The following PTPRD variants were observed in gnomAD, a reference collection of about 807,000 sequenced individuals.
The protein encoded by PTPRD is receptor-type tyrosine-protein phosphatase delta.
PTPRD carries 34 observed loss-of-function variants against 214.5 expected under a neutral mutation model. The observed-to-expected ratio is 0.16, with a 90% CI of 0.12 to 0.21. The LOEUF (loss-of-function observed/expected upper bound fraction) is 0.21. Among genes scored for constraint, PTPRD ranks in the 10% least tolerant of loss-of-function variants. The pLI, the probability that PTPRD is intolerant of heterozygous loss-of-function variation, is 1.00. For synonymous variants in PTPRD, 1,128 were observed against 845.7 expected (o/e 1.33, Z -5.79); for missense variants, 2,545 against 2,398.7 (o/e 1.06, Z -1.27).
At chr9:9,096,562 G>A (rs2099783809) in intron 10 of PTPRD, among the ~76,000 whole-genome samples, 2 of 152,212 alleles carry the variant, frequency 1.3e-5, no homozygotes, top group South Asian at 2.1e-4. Context: ...TTTTCCAGGT[G>A]AAGATATAGA....
At chr9:10,600,312 C>A (rs2077639341) in intron 2 of PTPRD, among the ~76,000 whole-genome samples, 1 of 151,622 alleles carries the variant, frequency 6.6e-6, no homozygotes. Context: ...TTTAAAAAAT[C>A]ATATCATATA....
At chr9:10,575,986 G>A (rs2132170005) in intron 2 of PTPRD, among the ~76,000 whole-genome samples, 1 of 152,102 alleles carries the variant, frequency 6.6e-6, no homozygotes, top group East Asian at 1.9e-4. Context: ...AGATTAGGAT[G>A]GTTATTTTCA....
At chr9:10,574,157 C>A (rs1181206421) in intron 2 of PTPRD, among the ~76,000 whole-genome samples, 1 of 151,990 alleles carries the variant, frequency 6.6e-6, no homozygotes, top group African/African-American at 2.4e-5. Flanking sequence ...GATTTTGTAA[C>A]TACCTCATTG....
At chr9:9,212,935 C>T (rs1278343853) in intron 9 of PTPRD, among the ~76,000 whole-genome samples, 3 of 152,170 alleles carry the variant, frequency 2.0e-5, no homozygotes, top group Non-Finnish European at 4.4e-5. Context: ...ATCACTGTAA[C>T]TTATGGAATT....
At chr9:9,105,004 G>A (rs557584337) in intron 10 of PTPRD, among the ~76,000 whole-genome samples, 12 of 152,280 alleles carry the variant, frequency 7.9e-5, no homozygotes, top group South Asian at 2.1e-4. Context: ...AAACAAATCC[G>A]TTTAGGACAT....
At chr9:9,287,435 G>C (rs768888888) in intron 9 of PTPRD, among the ~76,000 whole-genome samples, 5 of 151,804 alleles carry the variant, frequency 3.3e-5, no homozygotes, top group Non-Finnish European at 7.4e-5. Context: ...CAGATTACCA[G>C]ATTGTAGCTA....
chr9:8,462,421 A>C (rs953893017), intron 32 of PTPRD, among the ~76,000 whole-genome samples: 6 of 152,032 alleles, frequency 3.9e-5, no homozygotes, highest in Admixed American at 3.9e-4. Flanking sequence ...CACTGCTGCT[A>C]GAGGTATCAT....
At chr9:9,670,227 G>A (rs568492692) in intron 7 of PTPRD, among the ~76,000 whole-genome samples, 106 of 152,146 alleles carry the variant, frequency 7.0e-4, no homozygotes, top group Non-Finnish European at 1.2e-3. Flanking sequence ...GAATGATATG[G>A]TTTGGCTGTG....
rs2099084319 is a variant in PTPRD at position 8,948,543 on chromosome 9, T to TTTATATATATTTATA, written c.-104+70153_-104+70154insTATAAATATATATAA. On this transcript the variant is annotated intron_variant, in intron 11 of 45. Coordinates refer to ENST00000381196, the MANE Select transcript of PTPRD (RefSeq NM_002839.4). ...TTTATATATATATTTATATATATAT[T>TTTATATATATTTATA]TATATATATTTATATATATTTATAT... 1.3e-4 allele frequency among the ~76,000 whole-genome samples: 4 copies of TTTATATATATTTATA among 31,170 alleles called. 1 individual carries two copies. Among genetic ancestry groups the TTTATATATATTTATA allele is most frequent in the Non-Finnish European group, 3.0e-4 (4 of 13,410 alleles). 20.4% of individuals were successfully genotyped at this position (31,170 alleles called of 152,430 possible). A position where few individuals can be genotyped will look rare whatever the true frequency, so the allele number is the denominator to read the frequency against.
At chr9:8,420,058 A>G (rs942713505) in intron 35 of PTPRD, among the ~76,000 whole-genome samples, 9 of 152,134 alleles carry the variant, frequency 5.9e-5, no homozygotes, top group Non-Finnish European at 1.0e-4. Context: ...ACATGTAACA[A>G]ACGTAGACAA....
At chr9:9,789,796 C>CAA (rs774579667) in intron 5 of PTPRD, among the ~76,000 whole-genome samples, 1,658 of 40,758 alleles carry the variant, frequency 0.041, 248 homozygotes, top group African/African-American at 0.045. Flanking sequence ...AACTCTGTCT[C>CAA]AAAAAAAAAA....
intron 11 of PTPRD, among the ~76,000 whole-genome samples, chr9:8,781,652 G>C (rs539011288): frequency 3.0e-4 from 15 of 49,222 alleles, no homozygotes; most frequent in Non-Finnish European, 5.3e-4. Flanking sequence ...ATGGACTCTG[G>C]GGCAGTGCTT....
chr9:9,487,252 T>G (rs2095685464), intron 8 of PTPRD, among the ~76,000 whole-genome samples: 1 of 147,620 alleles, frequency 6.8e-6, no homozygotes. Context: ...GATGTTCCCC[T>G]TCCTGTGTCC....
intron 11 of PTPRD, among the ~76,000 whole-genome samples, chr9:8,797,861 T>G (rs1403506287): frequency 7.0e-6 from 1 of 141,912 alleles, no homozygotes; most frequent in African/African-American, 2.7e-5. Flanking sequence ...GAAAATAAAT[T>G]TAACAGAATT....
chr9:10,236,231 T>G (rs1214751296), intron 3 of PTPRD, among the ~76,000 whole-genome samples: 1 of 151,944 alleles, frequency 6.6e-6, no homozygotes, highest in Non-Finnish European at 1.5e-5. Flanking sequence ...GAGACTGAAT[T>G]GGCTCAAGTT....
chr9:9,951,825 C>A (rs2093479206), intron 4 of PTPRD, among the ~76,000 whole-genome samples: 1 of 152,198 alleles, frequency 6.6e-6, no homozygotes, highest in Non-Finnish European at 1.5e-5. Flanking sequence ...ACATATGTAG[C>A]AGTCAATTCA....
At chr9:8,566,167 T>C (rs1189404605) in intron 14 of PTPRD, among the ~76,000 whole-genome samples, 3 of 148,052 alleles carry the variant, frequency 2.0e-5, no homozygotes, top group Non-Finnish European at 4.5e-5. Flanking sequence ...TATAGACCAA[T>C]GCATTCTCTT....
At chr9:9,007,805 T>A (rs987372005) in intron 11 of PTPRD, among the ~76,000 whole-genome samples, 7 of 150,462 alleles carry the variant, frequency 4.7e-5, no homozygotes, top group African/African-American at 1.5e-4. Context: ...TCTTTCTTTT[T>A]TTTTTTACAC....
chr9:9,157,685 C>T (rs2099882436), intron 10 of PTPRD, among the ~76,000 whole-genome samples: 1 of 152,126 alleles, frequency 6.6e-6, no homozygotes, highest in African/African-American at 2.4e-5. Context: ...TTATAACCAA[C>T]ATTTATTTTC....
Sources: gnomAD v4.1 joint callset for allele counts (sites outside exome capture counted in the v4.1 genomes callset) on GRCh38, gnomAD v4.1.1 for gene constraint, MANE v1.5 for transcripts, NCBI Gene and HGNC (gene_info 2026-07-23, HGNC 2026-07-21) for gene names.